GPR180: variants seen among roughly 807,000 people sequenced by gnomAD.
GPR180 encodes integral membrane protein GPR180.
Under a neutral mutation model 52.6 loss-of-function variants are expected in GPR180, and 53 were observed. That is an observed-to-expected ratio of 1.01 (90% CI 0.81 to 1.27). GPR180 has a LOEUF of 1.27. GPR180 is among the 50% of genes most tolerant of loss of function. The pLI is 0.00. For missense variants in GPR180, 533 were observed against 527.0 expected (o/e 1.01, Z -0.11); for synonymous variants, 200 against 193.1 (o/e 1.04, Z -0.30).
intron 7 of GPR180, among the ~76,000 whole-genome samples, chr13:94,624,166 A>G: frequency 6.6e-6 from 1 of 152,086 alleles, no homozygotes. Flanking sequence ...TCTATACAGG[A>G]GAAGGGTTAG....
intron 8 of GPR180, 69 bp from the exon 9 acceptor site, chr13:94,626,944 C>A (rs895888054): frequency 3.6e-6 from 4 of 1,126,092 alleles, no homozygotes; most frequent in African/African-American, 3.2e-5. Context: ...TATATAGATT[C>A]ATAATAAATT....
intron 7 of GPR180, among the ~76,000 whole-genome samples, chr13:94,624,701 C>A (rs1889901406): frequency 6.6e-6 from 1 of 152,046 alleles, no homozygotes; most frequent in Non-Finnish European, 1.5e-5. Context: ...CGCGCCCACG[C>A]CCGGCTAAGT....
intron 2 of GPR180, among the ~76,000 whole-genome samples, chr13:94,611,339 T>TTGAA (rs1162710496): frequency 6.6e-6 from 1 of 152,152 alleles, no homozygotes; most frequent in Non-Finnish European, 1.5e-5. Flanking sequence ...ATTTTGTAAG[T>TTGAA]TGAATGCTCC....
chr13:94,629,153 A>C lies in GPR180; in HGVS notation c.*1982A>C, dbSNP rs1889963034. On this transcript the variant is annotated 3_prime_UTR_variant, in exon 9 of 9. Transcript: ENST00000376958. ...GTTCTTGACTAGTAATCAGGGACAA[A>C]ATTTATAGTTCATAAGTCATGACAC... The C allele has an allele frequency of 6.6e-6, 1 of 152,106 alleles. No homozygotes were observed. The highest frequency in any genetic ancestry group is 2.1e-4 in the South Asian group (1 of 4,832). The allele number at this position is 152,106 out of a possible 1,614,324, so 9.4% of individuals were successfully genotyped here.
chr13:94,622,088 G>A (rs1889858989), intron 6 of GPR180, among the ~76,000 whole-genome samples: 1 of 150,664 alleles, frequency 6.6e-6, no homozygotes, highest in African/African-American at 2.5e-5. Context: ...GGTTTTGAGT[G>A]GAATAGGAGT....
rs1219070536 is a variant in GPR180 at position 94,633,888 on chromosome 13, T to C, written c.*6717T>C. ...TTGCTGTTAAAATATGAATTAGAGA[T>C]CCAACTTAATTTTTTTCAGATGGTT... On this transcript the variant is annotated 3_prime_UTR_variant, in exon 9 of 9. Coordinates refer to ENST00000376958, the MANE Select transcript of GPR180 (RefSeq NM_180989.6). 6.6e-6 allele frequency: 1 copy of C among 152,164 alleles called. No homozygotes were observed. Among genetic ancestry groups the C allele is most frequent in the Non-Finnish European group, 1.5e-5 (1 of 68,022 alleles). 9.4% of individuals were successfully genotyped at this position (152,164 alleles called of 1,614,324 possible).
intron 3 of GPR180, among the ~76,000 whole-genome samples, chr13:94,614,806 C>T (rs1889755840): frequency 6.6e-6 from 1 of 152,112 alleles, no homozygotes; most frequent in Non-Finnish European, 1.5e-5. Flanking sequence ...AAACAAGGGG[C>T]AAAACCTCAC....
At chr13:94,619,582 C>A in intron 5 of GPR180, 65 bp downstream of exon 5, 1 of 1,314,326 alleles carries the variant, frequency 7.6e-7, no homozygotes, top group South Asian at 1.3e-5. Flanking sequence ...TTTTTTATTT[C>A]TTGTCATAGT....
Position 94,619,142 on chromosome 13 carries a change from C to G in GPR180, c.506-8C>G, listed in dbSNP as rs1405583203. On this transcript the variant is annotated splice_polypyrimidine_tract_variant and splice_region_variant and intron_variant, in intron 3 of 8. Coordinates refer to ENST00000376958, the MANE Select transcript of GPR180 (RefSeq NM_180989.6). ...TACTGAAGCAAACTCCCTTTCTTCT[C>G]TTCACAGGGTTACATGAGTTCTTTT... 4 of 1,608,346 alleles carry G rather than the reference C, an allele frequency of 2.5e-6. No homozygotes were observed. The highest frequency in any genetic ancestry group is 3.4e-6 in the Non-Finnish European group (4 of 1,177,218).
At chr13:94,611,860 G>A (rs114262442) in intron 2 of GPR180, among the ~76,000 whole-genome samples, 22 of 149,502 alleles carry the variant, frequency 1.5e-4, no homozygotes, top group Non-Finnish European at 2.5e-4. Context: ...CCCTCCCATC[G>A]CTCCCAATAC....
Position 94,612,323 on chromosome 13 carries a change from T to G in GPR180, c.438T>G (p.Phe146Leu), listed in dbSNP as rs760530760. The change falls in exon 3 of 9, where the codon TTT (phenylalanine) becomes TTG (leucine). Residue 146 changes from phenylalanine to leucine, a missense_variant. Coordinates refer to ENST00000376958, the MANE Select transcript of GPR180 (RefSeq NM_180989.6). ...KENSQVEDIP[F>L]EMVLLNPDAE... Reference sequence around the variant, plus strand: ...ATTCTCAGGTGGAAGATATCCCATTTGAAATGGTGTTACTAAACCCAGATG... The same window carrying G: ...ATTCTCAGGTGGAAGATATCCCATTGGAAATGGTGTTACTAAACCCAGATG... The G allele has an allele frequency of 6.2e-7, 1 of 1,613,986 alleles. No homozygotes were observed. The highest frequency in any genetic ancestry group is 2.2e-5 in the East Asian group (1 of 44,868).
At chr13:94,624,204 C>T (rs1178622265) in intron 7 of GPR180, among the ~76,000 whole-genome samples, 1 of 152,114 alleles carries the variant, frequency 6.6e-6, no homozygotes, top group Non-Finnish European at 1.5e-5. Context: ...ACCTTCCCTC[C>T]CTAGAAGGTT....
In GPR180 at chr13:94,623,111, T is replaced by C; in HGVS notation, c.897T>C (p.Ser299=). The change falls in exon 7 of 9, where the codon AGT becomes AGC. Residue 299 remains serine, a splice_region_variant and synonymous_variant. Transcript: ENST00000376958. ...GTAATATTGTTTTTCTTTTGCAGAG[T>C]GTTTTGCTACTTTGGGAACAGTTTG... ...GIAVFIVMTQ[S]VLLLWEQFED... is the part of the protein sequence containing the mutation. The C allele has an allele frequency of 1.3e-5, 21 of 1,604,306 alleles. No individual in the cohort carries two copies. Among genetic ancestry groups the C allele is most frequent in the Non-Finnish European group, 1.7e-5 (20 of 1,174,146 alleles).
chr13:94,607,771 G>A (rs1449503422), intron 2 of GPR180, among the ~76,000 whole-genome samples: 1 of 152,152 alleles, frequency 6.6e-6, no homozygotes, highest in Admixed American at 6.5e-5. Context: ...TCAGATGAAT[G>A]TGAATAAATG....
intron 7 of GPR180, among the ~76,000 whole-genome samples, chr13:94,625,525 TC>T (rs2138570418): frequency 6.6e-6 from 1 of 152,248 alleles, no homozygotes; most frequent in Non-Finnish European, 1.5e-5. Context: ...CCTGCCCAGC[TC>T]CCCCTCCTCT....
chr13:94,606,729 C>CTAGCTAGCTAGTG, intron 2 of GPR180, among the ~76,000 whole-genome samples: 3 of 152,204 alleles, frequency 2.0e-5, no homozygotes, highest in Admixed American at 2.0e-4. Flanking sequence ...CCTCATAAGG[C>CTAGCTAGCTAGTG]AACTAGCTAG....
chr13:94,602,093 G>GA, intron 1 of GPR180, 21 bp downstream of exon 1: 1 of 1,319,818 alleles, frequency 7.6e-7, no homozygotes, highest in South Asian at 2.1e-5. Context: ...GGGCGGGGAG[G>GA]GGGATGAAGG....
chr13:94,630,802 A>G lies in GPR180; in HGVS notation c.*3631A>G, dbSNP rs1009070676. ...TGAGATGTCTTTTAGAGAACTCACC[A>G]TCTGTGGTGGATTTATATGGTGCAG... On this transcript the variant is annotated 3_prime_UTR_variant, in exon 9 of 9. Transcript: ENST00000376958. The G allele has an allele frequency of 1.3e-5, 2 of 152,232 alleles. No individual in the cohort carries two copies. Among genetic ancestry groups the G allele is most frequent in the African/African-American group, 4.8e-5 (2 of 41,460 alleles). 9.4% of individuals were successfully genotyped at this position (152,232 alleles called of 1,614,324 possible).
Position 94,631,631 on chromosome 13 carries a change from TC to T in GPR180, c.*4461del, listed in dbSNP as rs1889999819. Reference sequence around the variant, plus strand: ...ACACTCCCTGGTGCATACTAGATGCTCAAAAATATTTTTGAGTGAATGAAGG... The same window carrying T: ...ACACTCCCTGGTGCATACTAGATGCTAAAAATATTTTTGAGTGAATGAAGG... On this transcript the variant is annotated 3_prime_UTR_variant, in exon 9 of 9. Coordinates refer to ENST00000376958, the MANE Select transcript of GPR180 (RefSeq NM_180989.6). 6.7e-6 allele frequency: 1 copy of T among 148,212 alleles called. No homozygotes were observed. The highest frequency in any genetic ancestry group is 2.5e-5 in the African/African-American group (1 of 39,802). 9.2% of individuals were successfully genotyped at this position (148,212 alleles called of 1,614,324 possible).
Sources: allele counts gnomAD v4.1 joint callset (sites outside exome capture counted in the v4.1 genomes callset), GRCh38; gene constraint gnomAD v4.1.1; transcripts MANE v1.5; gene names NCBI Gene and HGNC (gene_info 2026-07-23, HGNC 2026-07-21).